The following SDK1 variants were observed in gnomAD, a reference collection of about 807,000 sequenced individuals.
SDK1 encodes the protein protein sidekick-1.
A neutral mutation model predicts 245.5 loss-of-function variants in SDK1; 157 were observed. The observed-to-expected ratio is 0.64, with a 90% CI of 0.56 to 0.73. The LOEUF (loss-of-function observed/expected upper bound fraction) is 0.73, where lower values mean the gene tolerates loss of function less well. Ranked by LOEUF, SDK1 falls within the 30% of genes least tolerant of loss-of-function variation. The pLI is 0.00. For missense variants in SDK1, 3,583 were observed against 3,002.3 expected (o/e 1.19, Z -4.52); for synonymous variants, 1,647 against 1,278.5 (o/e 1.29, Z -6.15).
chr7:4,208,474 G>C (rs949945184), intron 37 of SDK1, among the ~76,000 whole-genome samples, 189 bp downstream of exon 37: 1 of 152,260 alleles, frequency 6.6e-6, no homozygotes, highest in Non-Finnish European at 1.5e-5. Flanking sequence ...CCTGGCCTCA[G>C]ACTGGTACAC....
chr7:4,209,838 G>A (rs889909355), intron 37 of SDK1, among the ~76,000 whole-genome samples, 187 bp from the exon 38 acceptor site: 2 of 152,156 alleles, frequency 1.3e-5, no homozygotes, highest in African/African-American at 2.4e-5. Flanking sequence ...GAGGGTCTGC[G>A]TGTCTGATTG....
At chr7:3,968,757 G>C (rs1438486651) in intron 10 of SDK1, among the ~76,000 whole-genome samples, 1 of 152,170 alleles carries the variant, frequency 6.6e-6, no homozygotes. Context: ...TACTGCTTCA[G>C]TTATTTCTTT....
intron 1 of SDK1, among the ~76,000 whole-genome samples, chr7:3,525,239 T>G (rs951771166): frequency 2.0e-5 from 3 of 152,116 alleles, no homozygotes; most frequent in African/African-American, 7.2e-5. Context: ...AAGGGATGAC[T>G]GTATGCCTGT....
chr7:3,706,683 T>A (rs1199716456), intron 4 of SDK1, among the ~76,000 whole-genome samples: 1 of 152,214 alleles, frequency 6.6e-6, no homozygotes, highest in Non-Finnish European at 1.5e-5. Context: ...ATTATAGGCG[T>A]GAGCCACTGT....
At chr7:4,138,761 G>A (rs1419458871) in intron 28 of SDK1, among the ~76,000 whole-genome samples, 23 of 76,710 alleles carry the variant, frequency 3.0e-4, no homozygotes, top group Admixed American at 7.9e-4. Context: ...AAAAAAAAAA[G>A]AGAGAGAAAG....
At chr7:3,886,224 C>T (rs1006174620) in intron 5 of SDK1, among the ~76,000 whole-genome samples, 1 of 152,188 alleles carries the variant, frequency 6.6e-6, no homozygotes, top group African/African-American at 2.4e-5. Flanking sequence ...CAGTGCTGCA[C>T]ATCGGGGATT....
At chr7:3,799,565 C>T (rs1213131919) in intron 4 of SDK1, among the ~76,000 whole-genome samples, 6 of 151,738 alleles carry the variant, frequency 4.0e-5, no homozygotes, top group South Asian at 4.2e-4. Context: ...ATTAGCCAGG[C>T]GTGGTGGCGG....
At chr7:3,472,446 C>CTAA (rs1781213601) in intron 1 of SDK1, among the ~76,000 whole-genome samples, 1 of 151,958 alleles carries the variant, frequency 6.6e-6, no homozygotes, top group Non-Finnish European at 1.5e-5. Flanking sequence ...AGGGACAAGG[C>CTAA]TAACTAAAAA....
chr7:4,237,884 C>A, intron 42 of SDK1, 100 bp downstream of exon 42: 6 of 1,398,460 alleles, frequency 4.3e-6, no homozygotes, highest in Non-Finnish European at 5.9e-6. Context: ...TCTGCTTTTC[C>A]ATTTCATTTG....
In SDK1 at chr7:4,193,443, A is replaced by C. The variant is rs1371335555; in HGVS notation, c.5099-12436A>C. ...TTAAGTTACATGAGCACAAGGACCA[A>C]CAATAGGCTGGGATATTGCCACTAC... On this transcript the variant is annotated intron_variant, in intron 35 of 44. Transcript: ENST00000404826. 2.0e-5 allele frequency among the ~76,000 whole-genome samples: 3 copies of C among 147,812 alleles called. No individual in the cohort carries two copies. The Admixed American group carries it at 2.1e-4, about 10-fold the overall frequency.
chr7:3,449,983 C>T (rs531840818), intron 1 of SDK1, among the ~76,000 whole-genome samples: 25 of 152,160 alleles, frequency 1.6e-4, no homozygotes, highest in Middle Eastern at 3.4e-3. Context: ...GGGGGGTCGA[C>T]GAGACTTCAT....
At chr7:4,197,131 G>C (rs1783626960) in intron 35 of SDK1, among the ~76,000 whole-genome samples, 2 of 152,150 alleles carry the variant, frequency 1.3e-5, no homozygotes, top group South Asian at 4.1e-4. Context: ...GGAGACCCAG[G>C]CTGGCCAGGA....
chr7:3,403,857 A>ATATATT (rs1778971476), intron 1 of SDK1, among the ~76,000 whole-genome samples: 1 of 112,234 alleles, frequency 8.9e-6, no homozygotes, highest in Non-Finnish European at 1.8e-5. Flanking sequence ...ATATATATAT[A>ATATATT]TATATATATA....
chr7:3,793,425 G>A (rs973906574), intron 4 of SDK1, among the ~76,000 whole-genome samples: 2 of 152,224 alleles, frequency 1.3e-5, no homozygotes, highest in Middle Eastern at 3.4e-3. Flanking sequence ...AGCGATTGAC[G>A]TGACAAACGC....
chr7:3,811,814 C>A (rs1562461649), intron 4 of SDK1, among the ~76,000 whole-genome samples: 1 of 152,208 alleles, frequency 6.6e-6, no homozygotes, highest in Non-Finnish European at 1.5e-5. Context: ...CCATTCTGTT[C>A]CTGAGTTATT....
At chr7:3,624,693 A>G (rs530485115) in intron 2 of SDK1, among the ~76,000 whole-genome samples, 1 of 152,312 alleles carries the variant, frequency 6.6e-6, no homozygotes, top group East Asian at 1.9e-4. Context: ...TGTTAATAGT[A>G]TAAAATTAAA....
chr7:3,626,608 G>A (rs1197633091), intron 2 of SDK1, among the ~76,000 whole-genome samples: 2 of 152,162 alleles, frequency 1.3e-5, no homozygotes, highest in Non-Finnish European at 2.9e-5. Context: ...AACTGGTCTT[G>A]CGAGTACTAA....
At chr7:3,735,029 C>T (rs753892128) in intron 4 of SDK1, among the ~76,000 whole-genome samples, 10 of 152,118 alleles carry the variant, frequency 6.6e-5, no homozygotes, top group East Asian at 1.9e-4. Context: ...AATTACAGAA[C>T]GCTCCCTCAA....
Position 3,577,842 on chromosome 7 carries a change from C to G in SDK1, c.299-41238C>G, listed in dbSNP as rs551023274. Among the ~76,000 whole-genome samples, 3 of 152,130 alleles carry G rather than the reference C, an allele frequency of 2.0e-5. No homozygotes were observed. The South Asian group carries it at 6.2e-4, about 32-fold the overall frequency. ...GGCAGAAACTCTAACTTCCTCATCTCCTGCATTGCCTGGCAGCTCCTGTCA... is the reference window on the plus strand; with the variant it reads ...GGCAGAAACTCTAACTTCCTCATCTGCTGCATTGCCTGGCAGCTCCTGTCA... On this transcript the variant is annotated intron_variant, in intron 1 of 44. Transcript: ENST00000404826.
Sources: allele counts gnomAD v4.1 joint callset (sites outside exome capture counted in the v4.1 genomes callset), GRCh38; gene constraint gnomAD v4.1.1; transcripts MANE v1.5; gene names NCBI Gene and HGNC (gene_info 2026-07-23, HGNC 2026-07-21).